The following PHF14 variants were observed in gnomAD, a reference collection of about 807,000 sequenced individuals.
PHF14 encodes the protein PHD finger protein 14.
Under a neutral mutation model 117.9 loss-of-function variants are expected in PHF14, and 55 were observed. The observed-to-expected ratio is 0.47, with a 90% CI of 0.38 to 0.58. The LOEUF is 0.58. PHF14 is among the 20% of genes least tolerant of loss of function. The pLI, the probability that PHF14 is intolerant of heterozygous loss-of-function variation, is 0.00. For missense variants in PHF14, 978 were observed against 1,122.2 expected (o/e 0.87, Z 1.84); for synonymous variants, 409 against 368.6 (o/e 1.11, Z -1.26).
At position 11,129,558 on chromosome 7, in the gene PHF14, T is replaced by TC. The variant is rs1033434220; in HGVS notation, c.2772+18091_2772+18092insC. ...TTTGTGTGTATGTTTCTTTTTTTTTTTTTTTTTGCCTTTACATAAAATTTA... is the reference window on the plus strand; with the variant it reads ...TTTGTGTGTATGTTTCTTTTTTTTTTCTTTTTTTGCCTTTACATAAAATTTA... On this transcript the variant is annotated intron_variant, in intron 17 of 17. Transcript: ENST00000634607. Among the ~76,000 whole-genome samples the TC allele has an allele frequency of 2.3e-4, 35 of 151,016 alleles. 1 individual carries two copies. The highest frequency in any genetic ancestry group is 4.6e-4 in the Non-Finnish European group (31 of 67,708).
intron 16 of PHF14, among the ~76,000 whole-genome samples, chr7:11,079,322 C>T (rs914465302): frequency 6.6e-6 from 1 of 152,084 alleles, no homozygotes; most frequent in Admixed American, 6.6e-5. Flanking sequence ...TATTCTAAAT[C>T]ACATCATTAC....
At chr7:11,138,867 A>G (rs1788322059) in intron 17 of PHF14, among the ~76,000 whole-genome samples, 1 of 151,994 alleles carries the variant, frequency 6.6e-6, no homozygotes, top group South Asian at 2.1e-4. Context: ...GTTACTTGGA[A>G]CTCAAGTAAC....
At chr7:11,079,308 C>T (rs961302303) in intron 16 of PHF14, among the ~76,000 whole-genome samples, 3 of 152,054 alleles carry the variant, frequency 2.0e-5, no homozygotes, top group East Asian at 3.9e-4. Context: ...ATAAGCTGAG[C>T]GGTTATTCTA....
intron 17 of PHF14, among the ~76,000 whole-genome samples, chr7:11,146,025 A>C (rs891649899): frequency 6.6e-6 from 1 of 152,138 alleles, no homozygotes; most frequent in Non-Finnish European, 1.5e-5. Flanking sequence ...ATTATATTTA[A>C]ATGTCTTGTT....
At chr7:11,101,141 T>G (rs1257407015) in intron 16 of PHF14, among the ~76,000 whole-genome samples, 2 of 151,850 alleles carry the variant, frequency 1.3e-5, no homozygotes, top group African/African-American at 2.4e-5. Flanking sequence ...TTAGTGAAAT[T>G]TAGGATGTAG....
intron 17 of PHF14, among the ~76,000 whole-genome samples, chr7:11,157,100 G>T (rs1788883642): frequency 6.6e-6 from 1 of 152,064 alleles, no homozygotes; most frequent in South Asian, 2.1e-4. Context: ...ATTGCATTGT[G>T]ATTATTTGCA....
intron 16 of PHF14, among the ~76,000 whole-genome samples, chr7:11,065,682 A>T (rs1361756567): frequency 6.6e-6 from 1 of 152,174 alleles, no homozygotes; most frequent in East Asian, 1.9e-4. Context: ...GTAGAGATGA[A>T]GTGATTCCTC....
intron 17 of PHF14, among the ~76,000 whole-genome samples, chr7:11,129,817 T>C (rs1347673976): frequency 2.6e-5 from 4 of 152,010 alleles, no homozygotes; most frequent in African/African-American, 7.2e-5. Context: ...AATTATGATA[T>C]CAAATTTAAA....
At chr7:11,168,799 C>G (rs1373065390) in intron 17 of PHF14, among the ~76,000 whole-genome samples, 2 of 152,076 alleles carry the variant, frequency 1.3e-5, no homozygotes, top group African/African-American at 2.4e-5. Context: ...ATACTGAACA[C>G]AAGATGCACT....
intron 17 of PHF14, 116 bp from the exon 18 acceptor site, chr7:11,169,300 G>A: frequency 2.0e-6 from 1 of 505,894 alleles, no homozygotes; most frequent in Non-Finnish European, 3.5e-6. Context: ...TTTGTGTTTA[G>A]GATTATTAGA....
chr7:11,034,464 C>G (rs1269449112), intron 7 of PHF14, among the ~76,000 whole-genome samples: 2 of 148,998 alleles, frequency 1.3e-5, no homozygotes, highest in African/African-American at 2.5e-5. Context: ...TGTAATTCCA[C>G]TTGAGTTTTT....
chr7:11,128,653 TA>T (rs568436665), intron 17 of PHF14, among the ~76,000 whole-genome samples: 110 of 151,904 alleles, frequency 7.2e-4, no homozygotes, highest in African/African-American at 2.1e-3. Context: ...ATATATAATC[TA>T]GACTCATGCT....
intron 14 of PHF14, among the ~76,000 whole-genome samples, chr7:11,052,762 G>A (rs1784886787): frequency 1.3e-5 from 2 of 151,998 alleles, no homozygotes; most frequent in South Asian, 2.1e-4. Flanking sequence ...CCTTTTCTGG[G>A]AAATGTGTAT....
intron 16 of PHF14, among the ~76,000 whole-genome samples, chr7:11,096,996 T>C (rs1294701927): frequency 1.4e-5 from 2 of 147,350 alleles, no homozygotes; most frequent in Non-Finnish European, 1.5e-5. Context: ...TTTTTTTTTT[T>C]GAGACGGAGT....
chr7:10,985,979 T>G (rs765959134), intron 3 of PHF14, among the ~76,000 whole-genome samples: 36 of 151,762 alleles, frequency 2.4e-4, no homozygotes, highest in Non-Finnish European at 3.8e-4. Flanking sequence ...TAAATGTTTA[T>G]TTTTTTTGAG....
Position 10,974,293 on chromosome 7 carries a change from C to A in PHF14, c.-31C>A. On this transcript the variant is annotated 5_prime_UTR_variant, in exon 1 of 18. Coordinates refer to ENST00000634607, the MANE Select transcript of PHF14 (RefSeq NM_001007157.2). ...GGGCTCCTGCAGCCTCTCCCTAAGT[C>A]TTCTCCAAACGACCACCTCACGGAT... 2 of 1,582,948 alleles carry A rather than the reference C, an allele frequency of 1.3e-6. No individual in the cohort carries two copies. The highest frequency in any genetic ancestry group is 1.7e-6 in the Non-Finnish European group (2 of 1,163,270).
At chr7:11,073,077 A>G (rs920494429) in intron 16 of PHF14, among the ~76,000 whole-genome samples, 7 of 152,074 alleles carry the variant, frequency 4.6e-5, no homozygotes, top group Admixed American at 4.6e-4. Context: ...CAAACTATAT[A>G]CTTTCACTCC....
chr7:10,995,110 C>T lies in PHF14; in HGVS notation c.1045+4263C>T, dbSNP rs570042512. 3.3e-5 allele frequency among the ~76,000 whole-genome samples: 5 copies of T among 152,268 alleles called. No individual in the cohort carries two copies. The South Asian group carries it at 1.0e-3, about 32-fold the overall frequency. On this transcript the variant is annotated intron_variant, in intron 4 of 17. Coordinates refer to ENST00000634607, the MANE Select transcript of PHF14 (RefSeq NM_001007157.2). ...AGCACTGATTGGTGCATTTACAAAC[C>T]TTGAGCTAGACACAGGGTGCAGATT...
rs924280732 is a variant in PHF14 at position 11,103,166 on chromosome 7, C to G, written c.2655-8184C>G. On this transcript the variant is annotated intron_variant, in intron 16 of 17. Coordinates refer to ENST00000634607, the MANE Select transcript of PHF14 (RefSeq NM_001007157.2). ...GAAGCATATGACATTCTATTTTTGA[C>G]TTATTAGTCCTAGTGTGAAAGCATT... 6 of 977,428 alleles carry G rather than the reference C, an allele frequency of 6.1e-6. No individual in the cohort carries two copies. In the African/African-American group the frequency reaches 1.1e-4, roughly 17 times the overall value. 60.5% of individuals were successfully genotyped at this position (977,428 alleles called of 1,614,324 possible).
Sources: gnomAD v4.1 joint callset for allele counts (sites outside exome capture counted in the v4.1 genomes callset) on GRCh38, gnomAD v4.1.1 for gene constraint, MANE v1.5 for transcripts, NCBI Gene and HGNC (gene_info 2026-07-23, HGNC 2026-07-21) for gene names.